EVC2: variants seen among roughly 807,000 people sequenced by gnomAD.
The protein encoded by EVC2 is EvC ciliary complex subunit 2, also known as limbin.
A neutral mutation model predicts 149.3 loss-of-function variants in EVC2; 148 were observed. The observed-to-expected ratio is 0.99, with a 90% CI of 0.87 to 1.14. The LOEUF is 1.14. EVC2 is among the 50% of genes most tolerant of loss of function. The pLI is 0.00. For synonymous variants in EVC2, 776 were observed against 649.9 expected, an observed-to-expected ratio of 1.19 and a Z score of -2.95; for missense variants, 1,854 against 1,627.3, an observed-to-expected ratio of 1.14 and a Z score of -2.40.
At chr4:5,553,095 T>A (rs1196323461) in intron 21 of EVC2, among the ~76,000 whole-genome samples, 2 of 152,102 alleles carry the variant, frequency 1.3e-5, no homozygotes, top group African/African-American at 4.8e-5. Flanking sequence ...GAAAGAGGCT[T>A]AATTAGCTCA....
chr4:5,697,275 G>C lies in EVC2; in HGVS notation c.283+318C>G, dbSNP rs958833108. Among the ~76,000 whole-genome samples the C allele has an allele frequency of 2.0e-5, 3 of 152,338 alleles. No homozygotes were observed. In the East Asian group the frequency reaches 5.8e-4, roughly 29 times the overall value. ...GTGTGTGGTCGAAGCCACTGTTTGTGAACATTTGTTAGGGAAGCCACAGGA... is the reference window on the plus strand; with the variant it reads ...GTGTGTGGTCGAAGCCACTGTTTGTCAACATTTGTTAGGGAAGCCACAGGA... On this transcript the variant is annotated intron_variant, in intron 2 of 21. Transcript: ENST00000344408.
rs1000648206 is a variant in EVC2, at chr4:5,549,780, C to T, written c.3420-6568G>A. Among the ~76,000 whole-genome samples the T allele has an allele frequency of 6.6e-5, 10 of 152,320 alleles. No homozygotes were observed. In the East Asian group the frequency reaches 1.9e-3, roughly 29 times the overall value. The stretch of plus-strand genomic sequence containing the variant: ...GGCATAAGACAACAGGCCCTGCTCA[C>T]TCTTCCTTCCCTTTATATGGTTTTG... On this transcript the variant is annotated intron_variant and NMD_transcript_variant, in intron 21 of 22. Coordinates refer to the EVC2 transcript ENST00000475313.
chr4:5,585,894 C>T (rs181521095), intron 16 of EVC2, among the ~76,000 whole-genome samples: 44 of 152,244 alleles, frequency 2.9e-4, no homozygotes, highest in Non-Finnish European at 6.0e-4. Flanking sequence ...CACAGTCTCG[C>T]TCTGTCACCC....
Position 5,562,886 on chromosome 4 carries a change from T to G in EVC2, c.3889A>C (p.Asn1297His). 6.2e-7 allele frequency: 1 copy of G among 1,614,208 alleles called. No homozygotes were observed. Among genetic ancestry groups the G allele is most frequent in the Non-Finnish European group, 8.5e-7 (1 of 1,180,036 alleles). Residue 1297 changes from asparagine (N) to histidine (H), a missense_variant, in exon 22 of 22, where the codon AAT becomes CAT. Coordinates refer to ENST00000344408, the MANE Select transcript of EVC2 (RefSeq NM_147127.5). This position sits in a 1 kb window ranked among gnomAD's most constrained non-coding sequence, Gnocchi z 4.3. ...AAGGCCCTCATGGCCTTTTTGGCAT[T>G]CAAAAAGTTCTTCTTTTTCCTGGGA... ...VPPRKKKNFLNAKKAMRALGM... is the reference protein window; with the variant it reads ...VPPRKKKNFLHAKKAMRALGM...
In EVC2 at chr4:5,585,975, C is replaced by T. The variant is rs552196520; in HGVS notation, c.2830-1125G>A. Among the ~76,000 whole-genome samples the T allele has an allele frequency of 3.9e-3, 588 of 152,312 alleles. 4 individuals carry two copies. Among genetic ancestry groups the T allele is most frequent in the Non-Finnish European group, 6.8e-3 (461 of 68,022 alleles). Reference sequence around the variant, plus strand: ...CTCCTGGGTTCAAGTGATTTTCCTGCCTCAGCCTTCTGAGTAGCTGGGATT... The same window carrying T: ...CTCCTGGGTTCAAGTGATTTTCCTGTCTCAGCCTTCTGAGTAGCTGGGATT... On this transcript the variant is annotated intron_variant, in intron 16 of 21. Coordinates refer to ENST00000344408, the MANE Select transcript of EVC2 (RefSeq NM_147127.5).
chr4:5,703,789 A>G (rs1721972477), intron 1 of EVC2, among the ~76,000 whole-genome samples: 1 of 152,226 alleles, frequency 6.6e-6, no homozygotes, highest in Non-Finnish European at 1.5e-5. Context: ...AACATACCAT[A>G]TATAGTATAT....
At chr4:5,700,662 A>G (rs1163266325) in intron 1 of EVC2, among the ~76,000 whole-genome samples, 1 of 152,108 alleles carries the variant, frequency 6.6e-6, no homozygotes, top group Non-Finnish European at 1.5e-5. Context: ...TGTCCTCACC[A>G]AAGTCCCCAG....
At chr4:5,539,120 C>G (rs1358358686), downstream of EVC2, among the ~76,000 whole-genome samples, 1 of 152,004 alleles carries the variant, frequency 6.6e-6, no homozygotes, top group African/African-American at 2.4e-5. Context: ...TTCAACTAAA[C>G]CAACAAAAAT....
intron 7 of EVC2, among the ~76,000 whole-genome samples, chr4:5,669,811 G>A (rs1719516490): frequency 6.6e-6 from 1 of 152,230 alleles, no homozygotes; most frequent in Non-Finnish European, 1.5e-5. Context: ...GTTTAGTGGA[G>A]CAGGGTCTAG....
At chr4:5,664,618 C>G (rs1033445512) in intron 8 of EVC2, among the ~76,000 whole-genome samples, 3 of 152,136 alleles carry the variant, frequency 2.0e-5, no homozygotes, top group Non-Finnish European at 4.4e-5. Context: ...AAATGACAAT[C>G]CTCTCCTCCA....
chr4:5,601,378 C>G (rs1713966676), intron 16 of EVC2, among the ~76,000 whole-genome samples: 1 of 151,838 alleles, frequency 6.6e-6, no homozygotes, highest in Non-Finnish European at 1.5e-5. Context: ...AGGAAGACAG[C>G]ATTGGGATGG....
At chr4:5,573,110 T>G (rs868562085) in intron 19 of EVC2, among the ~76,000 whole-genome samples, 13 of 152,300 alleles carry the variant, frequency 8.5e-5, no homozygotes, top group East Asian at 1.9e-4. Flanking sequence ...CTGCCCTGTT[T>G]GGACACTGTC....
intron 13 of EVC2, among the ~76,000 whole-genome samples, chr4:5,624,202 T>C (rs753516286): frequency 6.6e-6 from 1 of 152,080 alleles, no homozygotes; most frequent in Non-Finnish European, 1.5e-5. Context: ...AAAATTGAGA[T>C]GCATAAAGAT....
intron 1 of EVC2, among the ~76,000 whole-genome samples, chr4:5,706,369 C>G (rs77775037): frequency 0.13 from 993 of 7,472 alleles, 128 homozygotes; most frequent in Middle Eastern, 0.2. Flanking sequence ...TAGATAGATA[C>G]ATAGATAGAT....
chr4:5,692,887 AAAAG>A (rs1257102733), intron 3 of EVC2, among the ~76,000 whole-genome samples: 21 of 136,192 alleles, frequency 1.5e-4, no homozygotes, highest in African/African-American at 6.7e-4. Context: ...AAAAAAAAAA[AAAAG>A]AAAAAAGAAA....
At chr4:5,549,354 T>C (rs1284741133) in intron 21 of EVC2, among the ~76,000 whole-genome samples, 1 of 152,156 alleles carries the variant, frequency 6.6e-6, no homozygotes, top group African/African-American at 2.4e-5. Context: ...CAATGAGTAG[T>C]AAAGAGGTTG....
At chr4:5,559,583 T>C (rs1489800336), downstream of EVC2, among the ~76,000 whole-genome samples, 1 of 152,150 alleles carries the variant, frequency 6.6e-6, no homozygotes, top group Non-Finnish European at 1.5e-5. This position sits in a 1 kb window ranked among gnomAD's most constrained non-coding sequence, Gnocchi z 5.0. Context: ...ATGCTCACCT[T>C]TTAGACCACC....
chr4:5,568,361 G>T, intron 20 of EVC2, 83 bp downstream of exon 20: 1 of 1,336,308 alleles, frequency 7.5e-7, no homozygotes, highest in South Asian at 1.3e-5. Context: ...CAAAATACAT[G>T]GGCCTCCCAT....
At chr4:5,571,008 G>A (rs1722611067) in intron 19 of EVC2, among the ~76,000 whole-genome samples, 1 of 151,956 alleles carries the variant, frequency 6.6e-6, no homozygotes, top group Non-Finnish European at 1.5e-5. Flanking sequence ...GAATGAGGGG[G>A]ATGAAGGATA....
Sources: allele counts gnomAD v4.1 joint callset (sites outside exome capture counted in the v4.1 genomes callset), GRCh38; gene constraint gnomAD v4.1.1; non-coding constraint Gnocchi (gnomAD v3.1); transcripts MANE v1.5; gene names NCBI Gene and HGNC (gene_info 2026-07-23, HGNC 2026-07-21).